The following PCDHGA5 variants were observed in gnomAD, a reference collection of about 807,000 sequenced individuals.
PCDHGA5 encodes the protein protocadherin gamma-A5.
A neutral mutation model predicts 56.7 loss-of-function variants in PCDHGA5; 36 were observed. That is an observed-to-expected ratio of 0.64 (90% CI 0.49 to 0.84). The LOEUF (loss-of-function observed/expected upper bound fraction) is 0.84, where lower values mean the gene tolerates loss of function less well. PCDHGA5 is among the 40% of genes least tolerant of loss of function. PCDHGA5 has a pLI of 0.00. For synonymous variants in PCDHGA5, 563 were observed against 520.2 expected, an observed-to-expected ratio of 1.08 and a Z score of -1.12; for missense variants, 1,305 against 1,201.5, an observed-to-expected ratio of 1.09 and a Z score of -1.27.
chr5:141,447,650 TC>T (rs1036312126), intron 1 of PCDHGA5, among the ~76,000 whole-genome samples: 1 of 151,988 alleles, frequency 6.6e-6, no homozygotes, highest in Non-Finnish European at 1.5e-5. Context: ...GGTAGAATTT[TC>T]CCCCCCAGGA....
chr5:141,450,251 C>T (rs2154563018), intron 1 of PCDHGA5, among the ~76,000 whole-genome samples: 1 of 152,200 alleles, frequency 6.6e-6, no homozygotes. Context: ...CTCCTGACCT[C>T]AAGTGATCTG....
intron 1 of PCDHGA5, among the ~76,000 whole-genome samples, chr5:141,439,537 C>T (rs1404605731): frequency 6.6e-6 from 1 of 152,206 alleles, no homozygotes; most frequent in African/African-American, 2.4e-5. Flanking sequence ...GAACGCTGTC[C>T]TCTCATTTCT....
Position 141,476,374 on chromosome 5 carries a change from G to A in PCDHGA5, c.2422-18433G>A. 1.2e-6 allele frequency: 2 copies of A among 1,614,178 alleles called. No individual in the cohort carries two copies. Among genetic ancestry groups the A allele is most frequent in the Non-Finnish European group, 1.7e-6 (2 of 1,180,044 alleles). On this transcript the variant is annotated intron_variant, in intron 1 of 3. Transcript: ENST00000518069. This position sits in a 1 kb window ranked among gnomAD's most constrained non-coding sequence, Gnocchi z 7.6. ...AGGTGAACCGGGAGACCGGAGAGATGTTTGTGAACGACCGTCTGGATCGAG... is the reference window on the plus strand; with the variant it reads ...AGGTGAACCGGGAGACCGGAGAGATATTTGTGAACGACCGTCTGGATCGAG...
In PCDHGA5 at chr5:141,512,903, C is replaced by G. The variant is rs2099884492; in HGVS notation, c.*1730C>G. On this transcript the variant is annotated 3_prime_UTR_variant, in exon 4 of 4. Coordinates refer to ENST00000518069, the MANE Select transcript of PCDHGA5 (RefSeq NM_018918.3). ...CCCCACCCTCTTCCTGTGTCTCACG[C>G]AAGTTTTATACTCTAATATTTATAT... 6.6e-6 allele frequency: 1 copy of G among 152,224 alleles called. No homozygotes were observed. Among genetic ancestry groups the G allele is most frequent in the African/African-American group, 2.4e-5 (1 of 41,452 alleles). 9.4% of individuals were successfully genotyped at this position (152,224 alleles called of 1,614,324 possible).
At chr5:141,366,868 T>C in intron 1 of PCDHGA5, 117 bp downstream of exon 1, 1 of 1,409,530 alleles carries the variant, frequency 7.1e-7, no homozygotes, top group Non-Finnish European at 9.5e-7. Flanking sequence ...ATTTGCTGTA[T>C]TGGAGATTAA....
In PCDHGA5 at chr5:141,393,718, C is replaced by G. The variant is rs185464441; in HGVS notation, c.2421+26967C>G. Reference sequence around the variant, plus strand: ...CTTAATGAAAATACTGGGGAAATATCAATAGCAAAAAGTCTAGATTATGAA... The same window carrying G: ...CTTAATGAAAATACTGGGGAAATATGAATAGCAAAAAGTCTAGATTATGAA... On this transcript the variant is annotated intron_variant, in intron 1 of 3. Transcript: ENST00000518069. 1.4e-4 allele frequency: 220 copies of G among 1,613,644 alleles called. 1 individual carries two copies. Among genetic ancestry groups the G allele is most frequent in the Non-Finnish European group, 1.8e-4 (214 of 1,179,840 alleles).
intron 1 of PCDHGA5, chr5:141,413,967 G>A: frequency 6.2e-7 from 1 of 1,613,428 alleles, no homozygotes; most frequent in Non-Finnish European, 8.5e-7. Context: ...TGGGCACTCA[G>A]CTGCTGACAG....
chr5:141,483,811 C>A (rs1252197546), intron 1 of PCDHGA5, among the ~76,000 whole-genome samples: 1 of 152,102 alleles, frequency 6.6e-6, no homozygotes, highest in Non-Finnish European at 1.5e-5. Flanking sequence ...CTTTTTTTGG[C>A]AGCCAGTGTA....
chr5:141,404,171 G>A (rs532466154), intron 1 of PCDHGA5: 1 of 1,612,734 alleles, frequency 6.2e-7, no homozygotes, highest in South Asian at 1.1e-5. Flanking sequence ...ATTGTTGACG[G>A]CCCAAATTCT....
intron 1 of PCDHGA5, chr5:141,375,076 G>T: frequency 6.2e-7 from 1 of 1,614,010 alleles, no homozygotes; most frequent in Non-Finnish European, 8.5e-7. Flanking sequence ...GAGACAGAGC[G>T]AAAGTCTTAA....
rs745516293 is a variant in PCDHGA5, at chr5:141,382,909, C to T, written c.2421+16158C>T. 11 of 1,546,196 alleles carry T rather than the reference C, an allele frequency of 7.1e-6. No homozygotes were observed. The South Asian group carries it at 1.4e-4, about 19-fold the overall frequency. On this transcript the variant is annotated intron_variant, in intron 1 of 3. Transcript: ENST00000518069. Reference sequence around the variant, plus strand: ...GAGAAGCAGGACGACTATGGCGGCTCAGCCGAGGGGCGGGGACTACAGAGG... The same window carrying T: ...GAGAAGCAGGACGACTATGGCGGCTTAGCCGAGGGGCGGGGACTACAGAGG...
At chr5:141,414,583 G>A (rs570765907) in intron 1 of PCDHGA5, 1 of 1,613,736 alleles carries the variant, frequency 6.2e-7, no homozygotes, top group Non-Finnish European at 8.5e-7. Context: ...AGAGAACAAC[G>A]CCAGGGGTGC....
intron 1 of PCDHGA5, chr5:141,374,317 T>C: frequency 1.2e-6 from 2 of 1,613,982 alleles, no homozygotes; most frequent in East Asian, 2.2e-5. Context: ...TCTCTCTGAA[T>C]CCGCGAAACG....
intron 1 of PCDHGA5, chr5:141,398,074 T>A: frequency 6.3e-7 from 1 of 1,590,802 alleles, no homozygotes; most frequent in Non-Finnish European, 8.6e-7. Context: ...ATACAGAGGT[T>A]ATTTGTAACC....
intron 1 of PCDHGA5, chr5:141,422,541 T>G: frequency 6.2e-7 from 1 of 1,613,992 alleles, no homozygotes; most frequent in Non-Finnish European, 8.5e-7. Context: ...CAGAAACTCA[T>G]GTCTGGCTGA....
chr5:141,384,924 G>A (rs1467129756), intron 1 of PCDHGA5: 2 of 1,613,840 alleles, frequency 1.2e-6, no homozygotes, highest in African/African-American at 2.7e-5. Flanking sequence ...TGGCCGACCT[G>A]GGCAGCCTTG....
At chr5:141,473,919 A>G (rs2099331297) in intron 1 of PCDHGA5, among the ~76,000 whole-genome samples, 1 of 152,172 alleles carries the variant, frequency 6.6e-6, no homozygotes, top group African/African-American at 2.4e-5. Flanking sequence ...TAAGAAAACT[A>G]TGAGCTGGGT....
chr5:141,470,871 T>C (rs1036871133), intron 1 of PCDHGA5, among the ~76,000 whole-genome samples: 1 of 151,822 alleles, frequency 6.6e-6, no homozygotes, highest in Admixed American at 6.6e-5. Flanking sequence ...TGTTTGTTTG[T>C]TTTTTTGTTT....
At chr5:141,415,122 C>T (rs552568826) in intron 1 of PCDHGA5, 34 of 1,613,668 alleles carry the variant, frequency 2.1e-5, no homozygotes, top group Admixed American at 6.7e-5. Flanking sequence ...TCGTAGTGGC[C>T]GTCCAGGACC....
Sources: allele counts gnomAD v4.1 joint callset (sites outside exome capture counted in the v4.1 genomes callset), GRCh38; gene constraint gnomAD v4.1.1; non-coding constraint Gnocchi (gnomAD v3.1); transcripts MANE v1.5; gene names NCBI Gene and HGNC (gene_info 2026-07-23, HGNC 2026-07-21).